Variants in KCNQ1 observed in about 807,000 individuals in gnomAD.
KCNQ1 encodes the protein potassium voltage-gated channel subfamily Q member 1, also known as potassium voltage-gated channel subfamily KQT member 1.
Under a neutral mutation model 72.4 loss-of-function variants are expected in KCNQ1, and 49 were observed. The ratio of observed to expected loss-of-function variants is 0.68; its 90% CI spans 0.54 to 0.86. The LOEUF (loss-of-function observed/expected upper bound fraction) is 0.86. KCNQ1 is among the 40% of genes least tolerant of loss of function. KCNQ1 has a pLI of 0.00. For missense variants in KCNQ1, 790 were observed against 945.1 expected, an observed-to-expected ratio of 0.84 and a Z score of 2.15; for synonymous variants, 450 against 412.6, an observed-to-expected ratio of 1.09 and a Z score of -1.10.
rs1218968421 is a variant in KCNQ1 at position 2,498,345 on chromosome 11, C to G, written c.387-29583C>G. 7.2e-5 allele frequency among the ~76,000 whole-genome samples: 11 copies of G among 152,342 alleles called. No individual in the cohort carries two copies. In the East Asian group the frequency reaches 1.9e-3, roughly 27 times the overall value. On this transcript the variant is annotated intron_variant, in intron 1 of 15. Coordinates refer to ENST00000155840, the MANE Select transcript of KCNQ1 (RefSeq NM_000218.3). This position sits in a 1 kb window ranked among gnomAD's most constrained non-coding sequence, Gnocchi z 4.8. ...GAAATGGGAGTTTTATCTATAATCC[C>G]CTGACTGGGGCTGCTGCCTTTCTTT... is the stretch of plus-strand genomic sequence containing the variant.
In KCNQ1 at chr11:2,768,774, T is replaced by C. The variant is rs1178242626; in HGVS notation, c.1515-70T>C. The C allele has an allele frequency of 2.5e-6, 3 of 1,183,256 alleles. No homozygotes were observed. Among genetic ancestry groups the C allele is most frequent in the East Asian group, 2.3e-5 (1 of 43,034 alleles). The allele number at this position is 1,183,256 out of a possible 1,614,324, so 73.3% of individuals were successfully genotyped here. A position where few individuals can be genotyped will look rare whatever the true frequency, so the allele number is the denominator to read the frequency against. On this transcript the variant is annotated intron_variant, in intron 11 of 15. Coordinates refer to ENST00000155840, the MANE Select transcript of KCNQ1 (RefSeq NM_000218.3). This position sits in a 1 kb window ranked among gnomAD's most constrained non-coding sequence, Gnocchi z 6.7. ...TCCAGTCTGCGTGCTCCTCAGGCAG[T>C]GCAGGGGCAGTGAGGGGATGACCAG... is the stretch of plus-strand genomic sequence containing the variant.
In KCNQ1 at chr11:2,611,179, A is replaced by G. The variant is rs1480971891; in HGVS notation, c.1393+22325A>G. ...TAAAATGCTTCTCAGTATCTCTAAT[A>G]ACATGGTTTGTTTTTAAAGTCTATT... On this transcript the variant is annotated intron_variant, in intron 10 of 15. Transcript: ENST00000155840. This position sits in a 1 kb window ranked among gnomAD's most constrained non-coding sequence, Gnocchi z 5.3. 1 of 398,342 alleles carries G rather than the reference A, an allele frequency of 2.5e-6. No homozygotes were observed. The highest frequency in any genetic ancestry group is 4.4e-6 in the Non-Finnish European group (1 of 226,034). 24.7% of individuals were successfully genotyped at this position (398,342 alleles called of 1,614,324 possible).
intron 15 of KCNQ1, among the ~76,000 whole-genome samples, chr11:2,799,604 A>G (rs1847217162): frequency 6.6e-6 from 1 of 151,968 alleles, no homozygotes; most frequent in Non-Finnish European, 1.5e-5. Flanking sequence ...GTTGTATCCA[A>G]GACAGCCAAA....
Position 2,668,612 on chromosome 11 carries a change from C to A in KCNQ1, c.1514+6531C>A. On this transcript the variant is annotated intron_variant, in intron 11 of 15. Transcript: ENST00000155840. This position sits in a 1 kb window ranked among gnomAD's most constrained non-coding sequence, Gnocchi z 4.3. The stretch of plus-strand genomic sequence containing the variant: ...ATCATTCTGTATAAATTGCCTACAT[C>A]TTCTGCCTGTTTTATGTTTATTTAT... 1 of 398,586 alleles carries A rather than the reference C, an allele frequency of 2.5e-6. No individual in the cohort carries two copies. Among genetic ancestry groups the A allele is most frequent in the Non-Finnish European group, 4.4e-6 (1 of 226,060 alleles). The allele number at this position is 398,586 out of a possible 1,614,324, so 24.7% of individuals were successfully genotyped here. A position where few individuals can be genotyped will look rare whatever the true frequency, so the allele number is the denominator to read the frequency against.
intron 11 of KCNQ1, among the ~76,000 whole-genome samples, chr11:2,700,347 G>A (rs888002676): frequency 6.6e-6 from 1 of 152,100 alleles, no homozygotes; most frequent in Non-Finnish European, 1.5e-5. Context: ...CTGGAGACAC[G>A]GGCCAGTTCT....
In KCNQ1 at chr11:2,842,622, G is replaced by A. The variant is rs76295915; in HGVS notation, c.1795-5145G>A. ...CAGGGTGGTTCCTGCCTTCTTGCAC[G>A]CACAGTCTCCCACACTCATACAGCC... On this transcript the variant is annotated intron_variant, in intron 15 of 15. Coordinates refer to ENST00000155840, the MANE Select transcript of KCNQ1 (RefSeq NM_000218.3). Among the ~76,000 whole-genome samples, 1,053 of 152,146 alleles carry A rather than the reference G, an allele frequency of 6.9e-3. 13 individuals are homozygous for A. Among genetic ancestry groups the A allele is most frequent in the African/African-American group, 0.024 (1,005 of 41,558 alleles).
intron 11 of KCNQ1, among the ~76,000 whole-genome samples, chr11:2,727,398 C>G (rs1845783074): frequency 6.6e-6 from 1 of 152,208 alleles, no homozygotes; most frequent in South Asian, 2.1e-4. Context: ...AAGGATCATT[C>G]CTGTGTGAGT....
In KCNQ1 at chr11:2,601,952, C is replaced by T. The variant is rs942925446; in HGVS notation, c.1393+13098C>T. On this transcript the variant is annotated intron_variant, in intron 10 of 15. Coordinates refer to ENST00000155840, the MANE Select transcript of KCNQ1 (RefSeq NM_000218.3). This position sits in a 1 kb window ranked among gnomAD's most constrained non-coding sequence, Gnocchi z 5.2. ...GCCTTCTATGGCAAAGGGCACTCTGCAGATGTGTCAAATTAAGGACCTTGA... is the reference window on the plus strand; with the variant it reads ...GCCTTCTATGGCAAAGGGCACTCTGTAGATGTGTCAAATTAAGGACCTTGA... Among the ~76,000 whole-genome samples, 1 of 152,158 alleles carries T rather than the reference C, an allele frequency of 6.6e-6. No individual in the cohort carries two copies. Among genetic ancestry groups the T allele is most frequent in the African/African-American group, 2.4e-5 (1 of 41,434 alleles).
chr11:2,695,916 T>C lies in KCNQ1; in HGVS notation c.1514+33835T>C. On this transcript the variant is annotated intron_variant, in intron 11 of 15. Coordinates refer to ENST00000155840, the MANE Select transcript of KCNQ1 (RefSeq NM_000218.3). This position sits in a 1 kb window ranked among gnomAD's most constrained non-coding sequence, Gnocchi z 5.2. ...TTCCTACCTTTTTCTTAATGATTTGTGGTGCTTTCTGGTATATTTTAGCTG... is the reference window on the plus strand; with the variant it reads ...TTCCTACCTTTTTCTTAATGATTTGCGGTGCTTTCTGGTATATTTTAGCTG... 1 of 398,672 alleles carries C rather than the reference T, an allele frequency of 2.5e-6. No individual in the cohort carries two copies. The highest frequency in any genetic ancestry group is 4.4e-6 in the Non-Finnish European group (1 of 226,068). The allele number at this position is 398,672 out of a possible 1,614,324, so 24.7% of individuals were successfully genotyped here.
At position 2,494,498 on chromosome 11, in the gene KCNQ1, C is replaced by A. The variant is rs1156961673; in HGVS notation, c.387-33430C>A. Among the ~76,000 whole-genome samples the A allele has an allele frequency of 6.6e-6, 1 of 152,034 alleles. No homozygotes were observed. The highest frequency in any genetic ancestry group is 2.4e-5 in the African/African-American group (1 of 41,374). On this transcript the variant is annotated intron_variant, in intron 1 of 15. Coordinates refer to ENST00000155840, the MANE Select transcript of KCNQ1 (RefSeq NM_000218.3). The surrounding 1 kb of genome is among the most constrained non-coding windows in gnomAD (Gnocchi z 4.6). The stretch of plus-strand genomic sequence containing the variant: ...GCCTGTGGGTTTGTCATAAATAGCT[C>A]TTGTTATTTTGAGATATGTTCCATC...
chr11:2,560,185 A>T (rs1323923453), intron 2 of KCNQ1, among the ~76,000 whole-genome samples: 1 of 48,494 alleles, frequency 2.1e-5, no homozygotes, highest in African/African-American at 8.7e-5. Context: ...CATCCTGGGG[A>T]GGGGTGACAT....
chr11:2,468,399 A>G lies in KCNQ1; in HGVS notation c.386+22915A>G, dbSNP rs1196833718. Reference sequence around the variant, plus strand: ...TGAGCTCAAGCGATCTGCCTGCCTCAGCCTCCCAAAGTGCTGGGATTACAG... The same window carrying G: ...TGAGCTCAAGCGATCTGCCTGCCTCGGCCTCCCAAAGTGCTGGGATTACAG... On this transcript the variant is annotated intron_variant, in intron 1 of 15. Coordinates refer to ENST00000155840, the MANE Select transcript of KCNQ1 (RefSeq NM_000218.3). The surrounding 1 kb of genome is among the most constrained non-coding windows in gnomAD (Gnocchi z 5.7). 1.3e-5 allele frequency among the ~76,000 whole-genome samples: 2 copies of G among 152,138 alleles called. No homozygotes were observed. The highest frequency in any genetic ancestry group is 2.9e-5 in the Non-Finnish European group (2 of 68,032).
At chr11:2,467,683 AC>A (rs1846371442) in intron 1 of KCNQ1, among the ~76,000 whole-genome samples, 1 of 152,118 alleles carries the variant, frequency 6.6e-6, no homozygotes, top group Non-Finnish European at 1.5e-5. Flanking sequence ...GGTGAGAGAC[AC>A]CTGCCCCCCA....
At chr11:2,622,946 A>G (rs953997598) in intron 10 of KCNQ1, 4 of 398,488 alleles carry the variant, frequency 1.0e-5, no homozygotes, top group African/African-American at 8.2e-5. Context: ...GTGGGTTTCT[A>G]CAAATGTGTA....
At chr11:2,641,367 A>G (rs1234707301) in intron 10 of KCNQ1, 1 of 397,596 alleles carries the variant, frequency 2.5e-6, no homozygotes, top group African/African-American at 2.1e-5. Flanking sequence ...TTTGGCTTGC[A>G]TTTCCCTTAT....
At chr11:2,557,239 T>C (rs1848085898) in intron 2 of KCNQ1, among the ~76,000 whole-genome samples, 1 of 152,224 alleles carries the variant, frequency 6.6e-6, no homozygotes, top group African/African-American at 2.4e-5. Context: ...GATCAGGCAC[T>C]ATTAGAAGAC....
chr11:2,521,882 G>A (rs1298190067), intron 1 of KCNQ1, among the ~76,000 whole-genome samples: 1 of 152,216 alleles, frequency 6.6e-6, no homozygotes, highest in East Asian at 1.9e-4. Context: ...AGTGTGTGCG[G>A]CAGGGCAGGT....
intron 10 of KCNQ1, chr11:2,633,846 C>T (rs1849404716): frequency 2.5e-6 from 1 of 398,424 alleles, no homozygotes; most frequent in Non-Finnish European, 4.4e-6. Flanking sequence ...AGAGTCAGCC[C>T]TGTGTAATGC....
At chr11:2,763,330 G>GAAGTGAGAGGATCAC (rs1352525662) in intron 11 of KCNQ1, among the ~76,000 whole-genome samples, 5 of 150,858 alleles carry the variant, frequency 3.3e-5, no homozygotes, top group Non-Finnish European at 7.4e-5. Flanking sequence ...TTGGGAGGCT[G>GAAGTGAGAGGATCAC]AAGTGAGAGG....
Sources: allele counts gnomAD v4.1 joint callset (sites outside exome capture counted in the v4.1 genomes callset), GRCh38; gene constraint gnomAD v4.1.1; non-coding constraint Gnocchi (gnomAD v3.1); transcripts MANE v1.5; gene names NCBI Gene and HGNC (gene_info 2026-07-23, HGNC 2026-07-21).